Variants in WDR72 observed in about 807,000 individuals in gnomAD.
WDR72 encodes the protein WD repeat domain 72.
A neutral mutation model predicts 124.2 loss-of-function variants in WDR72; 120 were observed. The observed-to-expected ratio is 0.97, with a 90% CI of 0.83 to 1.12. WDR72 has a LOEUF of 1.12. Among genes scored for constraint, WDR72 ranks in the 50% most tolerant of loss-of-function variants. The probability of loss-of-function intolerance (pLI) is 0.00; values close to 1 mark genes in which losing one functional copy is unlikely to be tolerated. For synonymous variants in WDR72, 452 were observed against 441.7 expected, an observed-to-expected ratio of 1.02 and a Z score of -0.29; for missense variants, 1,387 against 1,278.8, an observed-to-expected ratio of 1.08 and a Z score of -1.29.
chr15:53,700,809 A>T (rs1595859814), intron 12 of WDR72, among the ~76,000 whole-genome samples: 1 of 152,062 alleles, frequency 6.6e-6, no homozygotes, highest in Non-Finnish European at 1.5e-5. Context: ...ATAGATCTGG[A>T]GCCTAGACTT....
chr15:53,743,282 G>A (rs1005309120), intron 1 of WDR72, among the ~76,000 whole-genome samples: 1 of 151,840 alleles, frequency 6.6e-6, no homozygotes, highest in Non-Finnish European at 1.5e-5. Flanking sequence ...AATTTATAGA[G>A]TTTAATTATA....
chr15:53,551,423 A>T (rs1893723797), intron 18 of WDR72, among the ~76,000 whole-genome samples: 1 of 152,176 alleles, frequency 6.6e-6, no homozygotes, highest in Non-Finnish European at 1.5e-5. Context: ...AAATTTGATC[A>T]AACCCACTCT....
intron 13 of WDR72, among the ~76,000 whole-genome samples, chr15:53,671,022 G>A (rs1291083659): frequency 6.6e-6 from 1 of 152,058 alleles, no homozygotes; most frequent in African/African-American, 2.4e-5. Context: ...TTATATATTT[G>A]ACTTATTTTT....
At chr15:53,685,567 G>T (rs1179679767) in intron 13 of WDR72, among the ~76,000 whole-genome samples, 1 of 145,876 alleles carries the variant, frequency 6.9e-6, no homozygotes, top group Admixed American at 6.9e-5. Flanking sequence ...TATGTGAAAA[G>T]ACCAAATCTA....
intron 13 of WDR72, among the ~76,000 whole-genome samples, chr15:53,687,548 T>C (rs1393752687): frequency 6.6e-6 from 1 of 150,938 alleles, no homozygotes; most frequent in East Asian, 2.0e-4. Flanking sequence ...AATAACAGGA[T>C]CTGAAATTGT....
chr15:53,637,313 G>A (rs575157072), intron 14 of WDR72, among the ~76,000 whole-genome samples: 9 of 152,224 alleles, frequency 5.9e-5, no homozygotes, highest in African/African-American at 2.2e-4. Context: ...TTTGCACAAC[G>A]TTTCTCTCCT....
At chr15:53,656,918 G>T (rs1021400447) in intron 14 of WDR72, among the ~76,000 whole-genome samples, 2 of 151,866 alleles carry the variant, frequency 1.3e-5, no homozygotes, top group Admixed American at 6.6e-5. Context: ...TCATCTTTTG[G>T]GTACTACAAG....
At chr15:53,551,504 C>T (rs1024186693) in intron 18 of WDR72, among the ~76,000 whole-genome samples, 1 of 152,028 alleles carries the variant, frequency 6.6e-6, no homozygotes, top group African/African-American at 2.4e-5. Context: ...TCAGGAGATG[C>T]GTAAAGGAAG....
intron 14 of WDR72, among the ~76,000 whole-genome samples, chr15:53,637,342 G>A (rs2014662299): frequency 6.6e-6 from 1 of 152,130 alleles, no homozygotes; most frequent in Admixed American, 6.5e-5. Context: ...TTCATCATCT[G>A]AGTCTGGGGA....
chr15:53,600,797 A>G (rs958416904), intron 17 of WDR72, among the ~76,000 whole-genome samples: 115 of 152,260 alleles, frequency 7.6e-4, no homozygotes, highest in African/African-American at 2.7e-3. Context: ...CCTACATTTC[A>G]TGATGTGTAC....
At position 53,616,208 on chromosome 15, in the gene WDR72, A is replaced by AT; in HGVS notation, c.1997dup (p.Asn666LysfsTer11). 6.2e-7 allele frequency: 1 copy of AT among 1,604,316 alleles called. No individual in the cohort carries two copies. The highest frequency in any genetic ancestry group is 8.5e-7 in the Non-Finnish European group (1 of 1,179,086). Reference sequence around the variant, plus strand: ...TCCATTTTGTCTTCACAGGCAAGACATTAAAAGGTCTTGGGCAAAATTTGG... The same window carrying AT: ...TCCATTTTGTCTTCACAGGCAAGACATTTAAAAGGTCTTGGGCAAAATTTGG... On this transcript the variant is annotated frameshift_variant, in exon 15 of 20. Transcript: ENST00000360509. LOFTEE classifies it high-confidence loss of function.
chr15:53,622,921 C>T (rs920531380), intron 14 of WDR72, among the ~76,000 whole-genome samples: 7 of 152,040 alleles, frequency 4.6e-5, no homozygotes, highest in Non-Finnish European at 8.8e-5. Context: ...AACTTAAAAG[C>T]ATAAGAACAA....
intron 13 of WDR72, among the ~76,000 whole-genome samples, chr15:53,695,976 C>T (rs59322101): frequency 0.29 from 44,456 of 152,024 alleles, 6,869 homozygotes; most frequent in Admixed American, 0.33. Flanking sequence ...CCCACCAAGG[C>T]AGACTTCTGG....
intron 18 of WDR72, among the ~76,000 whole-genome samples, chr15:53,545,164 T>C (rs1893378597): frequency 6.6e-6 from 1 of 150,870 alleles, no homozygotes; most frequent in Admixed American, 6.6e-5. Flanking sequence ...AAAAACTACT[T>C]TAAAGTTCAT....
intron 1 of WDR72, among the ~76,000 whole-genome samples, chr15:53,735,639 C>G (rs1333703604): frequency 1.3e-5 from 2 of 150,022 alleles, no homozygotes; most frequent in East Asian, 3.9e-4. Flanking sequence ...CTGAAAGACA[C>G]TCTCACTATC....
rs966448321 is a variant in WDR72 at position 53,706,212 on chromosome 15, A to G, written c.955-138T>C. On this transcript the variant is annotated intron_variant, in intron 9 of 19. Coordinates refer to ENST00000360509, the MANE Select transcript of WDR72 (RefSeq NM_182758.4). ...TCCCACTCTTTTGACATTTTCAAGT[A>G]AATTAAATGAAATAATCTGTGATCT... The G allele has an allele frequency of 6.8e-6, 7 of 1,025,116 alleles. No individual in the cohort carries two copies. In the African/African-American group the frequency reaches 1.1e-4, roughly 17 times the overall value. The allele number at this position is 1,025,116 out of a possible 1,614,324, so 63.5% of individuals were successfully genotyped here. A position where few individuals can be genotyped will look rare whatever the true frequency, so the allele number is the denominator to read the frequency against.
chr15:53,594,834 T>C (rs1217229123), intron 18 of WDR72, among the ~76,000 whole-genome samples: 2 of 138,604 alleles, frequency 1.4e-5, no homozygotes, highest in Admixed American at 1.6e-4. Flanking sequence ...TACATGCCAC[T>C]GTAATGAAAG....
At chr15:53,535,072 T>A (rs1892690380) in intron 18 of WDR72, among the ~76,000 whole-genome samples, 2 of 152,140 alleles carry the variant, frequency 1.3e-5, no homozygotes, top group Non-Finnish European at 2.9e-5. Context: ...GGATTTGTCA[T>A]AATTTAACTA....
chr15:53,565,662 G>A (rs1894268570), intron 18 of WDR72, among the ~76,000 whole-genome samples: 1 of 151,834 alleles, frequency 6.6e-6, no homozygotes, highest in Admixed American at 6.6e-5. Context: ...CCAGTTACAT[G>A]CTGATGGACA....
Sources: allele counts gnomAD v4.1 joint callset (sites outside exome capture counted in the v4.1 genomes callset), GRCh38; gene constraint gnomAD v4.1.1; transcripts MANE v1.5; gene names NCBI Gene and HGNC (gene_info 2026-07-23, HGNC 2026-07-21).